SUDS3: variants seen among roughly 807,000 people sequenced by gnomAD.
SUDS3 encodes SIN3A corepressor complex component SDS3.
In SUDS3, 23 loss-of-function variants were observed where a neutral mutation model predicts 53.5. The ratio of observed to expected loss-of-function variants is 0.43; its 90% CI spans 0.31 to 0.61. SUDS3 has a LOEUF of 0.61. Ranked by LOEUF, SUDS3 falls within the 20% of genes least tolerant of loss-of-function variation. The pLI is 0.10. For missense variants in SUDS3, 291 were observed against 405.9 expected (o/e 0.72, Z 2.43); for synonymous variants, 150 against 148.5 (o/e 1.01, Z -0.08).
At chr12:118,398,467 T>C (rs900617197) in intron 6 of SUDS3, among the ~76,000 whole-genome samples, 8 of 151,748 alleles carry the variant, frequency 5.3e-5, no homozygotes, top group African/African-American at 1.9e-4. Context: ...ACCACTTGTT[T>C]CTGGTGTGTG....
chr12:118,397,906 A>G (rs1566204266), intron 6 of SUDS3, among the ~76,000 whole-genome samples: 1 of 151,768 alleles, frequency 6.6e-6, no homozygotes, highest in Non-Finnish European at 1.5e-5. Flanking sequence ...ACACTCAGCC[A>G]CTCTCTTTGG....
Position 118,409,835 on chromosome 12 carries a change from G to A in SUDS3, c.804-1238G>A, listed in dbSNP as rs1032376723. Among the ~76,000 whole-genome samples, 9 of 152,266 alleles carry A rather than the reference G, an allele frequency of 5.9e-5. 1 individual carries two copies. In the East Asian group the frequency reaches 1.7e-3, roughly 29 times the overall value. ...AATCCAGCAGGGGCTCCTTCATCCTGTGGCAGCTGCTTTTGTCCCATTTGG... is the reference window on the plus strand; with the variant it reads ...AATCCAGCAGGGGCTCCTTCATCCTATGGCAGCTGCTTTTGTCCCATTTGG... On this transcript the variant is annotated intron_variant, in intron 10 of 11. Transcript: ENST00000543473.
At chr12:118,407,749 C>T (rs370432754) in intron 10 of SUDS3, among the ~76,000 whole-genome samples, 11 of 147,910 alleles carry the variant, frequency 7.4e-5, no homozygotes, top group East Asian at 2.0e-4. Flanking sequence ...GACAGAGTCT[C>T]GCTCTGTCGC....
At chr12:118,386,901 G>A (rs1037400383) in intron 4 of SUDS3, among the ~76,000 whole-genome samples, 2 of 152,184 alleles carry the variant, frequency 1.3e-5, no homozygotes, top group Non-Finnish European at 2.9e-5. Flanking sequence ...ACAGGAAATC[G>A]CGTGTATGTG....
Position 118,376,655 on chromosome 12 carries a change from T to C in SUDS3, c.-37T>C, listed in dbSNP as rs2045998034. 2.1e-6 allele frequency: 3 copies of C among 1,423,522 alleles called. No individual in the cohort carries two copies. Among genetic ancestry groups the C allele is most frequent in the Non-Finnish European group, 2.7e-6 (3 of 1,096,578 alleles). The allele number at this position is 1,423,522 out of a possible 1,614,324, so 88.2% of individuals were successfully genotyped here. A position where few individuals can be genotyped will look rare whatever the true frequency, so the allele number is the denominator to read the frequency against. Reference sequence around the variant, plus strand: ...GAGTACCGAGCGCGGGTGGCCGCGGTGTCCGTGGGCCACGCTCAGCTGCGG... The same window carrying C: ...GAGTACCGAGCGCGGGTGGCCGCGGCGTCCGTGGGCCACGCTCAGCTGCGG... On this transcript the variant is annotated 5_prime_UTR_variant, in exon 1 of 12. Coordinates refer to ENST00000543473, the MANE Select transcript of SUDS3 (RefSeq NM_022491.3).
At chr12:118,391,939 C>A (rs2046171800) in intron 6 of SUDS3, among the ~76,000 whole-genome samples, 2 of 152,198 alleles carry the variant, frequency 1.3e-5, no homozygotes, top group Non-Finnish European at 2.9e-5. Context: ...CCTTTCTAAC[C>A]TTCTAGAATT....
At chr12:118,384,628 C>T (rs933708342) in intron 3 of SUDS3, among the ~76,000 whole-genome samples, 3 of 152,032 alleles carry the variant, frequency 2.0e-5, no homozygotes, top group Non-Finnish European at 4.4e-5. Flanking sequence ...GTCAGGAGAT[C>T]GAGACAATCT....
At chr12:118,414,259 A>AG (rs1204118350) in intron 11 of SUDS3, 76 bp from the exon 12 acceptor site, 1 of 1,070,360 alleles carries the variant, frequency 9.3e-7, no homozygotes, top group African/African-American at 1.6e-5. Flanking sequence ...TCACTCGTGC[A>AG]GATATTTTGA....
intron 11 of SUDS3, among the ~76,000 whole-genome samples, 187 bp downstream of exon 11, chr12:118,411,344 G>A (rs16948272): frequency 0.044 from 6,760 of 152,160 alleles, 507 homozygotes; most frequent in African/African-American, 0.15. Flanking sequence ...CCTTACATTC[G>A]CTTGACTACA....
intron 4 of SUDS3, among the ~76,000 whole-genome samples, chr12:118,389,538 G>A (rs1271717586): frequency 6.7e-6 from 1 of 150,094 alleles, no homozygotes; most frequent in African/African-American, 2.5e-5. Flanking sequence ...TTGAGACCAG[G>A]TTTCGCTCTG....
At chr12:118,409,178 C>G (rs532082066) in intron 10 of SUDS3, among the ~76,000 whole-genome samples, 1 of 149,738 alleles carries the variant, frequency 6.7e-6, no homozygotes, top group Non-Finnish European at 1.5e-5. Context: ...GATAGAGTCT[C>G]GCTCTGTTGC....
At chr12:118,395,573 A>C (rs1427730018) in intron 6 of SUDS3, among the ~76,000 whole-genome samples, 3 of 151,930 alleles carry the variant, frequency 2.0e-5, no homozygotes, top group Non-Finnish European at 2.9e-5. Flanking sequence ...GGAAGGCTCG[A>C]CTGGCTCACT....
Position 118,391,235 on chromosome 12 carries a change from A to C in SUDS3, c.470A>C (p.Lys157Thr). 6.2e-7 allele frequency: 1 copy of C among 1,613,294 alleles called. No homozygotes were observed. The highest frequency in any genetic ancestry group is 8.5e-7 in the Non-Finnish European group (1 of 1,179,752). Residue 157 changes from lysine (K) to threonine (T), a missense_variant, in exon 6 of 12, where the codon AAG becomes ACG. By Grantham distance (78) the Lys-to-Thr change is moderately conservative. Around this residue, in one of 4 missense-constraint regions of SUDS3, gnomAD observed 55 missense variants for 124.2 expected, o/e 0.44. Coordinates refer to ENST00000543473, the MANE Select transcript of SUDS3 (RefSeq NM_022491.3). ...AACCTGATTGCTGAGCTAGAAGAAA[A>C]GAAGAAAATGATTGAAAATGAAAAG... ...KENLIAELEE[K>T]KKMIENEKLT...
At position 118,410,109 on chromosome 12, in the gene SUDS3, A is replaced by G. The variant is rs1190972778; in HGVS notation, c.804-964A>G. On this transcript the variant is annotated intron_variant, in intron 10 of 11. Transcript: ENST00000543473. ...CAGGTGTGGTTATTTAATGTTCCTT[A>G]TCCCCAGTGTATTTGAATCTCTGTG... Among the ~76,000 whole-genome samples the G allele has an allele frequency of 5.3e-5, 8 of 152,338 alleles. No individual in the cohort carries two copies. The South Asian group carries it at 8.3e-4, about 16-fold the overall frequency.
chr12:118,417,955 A>G lies in SUDS3; in HGVS notation c.*3522A>G, dbSNP rs2046416135. On this transcript the variant is annotated 3_prime_UTR_variant, in exon 12 of 12. Transcript: ENST00000543473. ...TGTTTGTGCACTCTTCTTGTTGCAG[A>G]TAAAAGTCATTAAAAATCAAGTGAA... The G allele has an allele frequency of 6.6e-6, 1 of 152,228 alleles. No individual in the cohort carries two copies. The allele number at this position is 152,228 out of a possible 1,614,324, so 9.4% of individuals were successfully genotyped here. A position where few individuals can be genotyped will look rare whatever the true frequency, so the allele number is the denominator to read the frequency against.
chr12:118,402,156 T>G (rs544952376), intron 9 of SUDS3, 152 bp downstream of exon 9: 1 of 730,440 alleles, frequency 1.4e-6, no homozygotes, highest in South Asian at 1.8e-5. Context: ...AAGGGGACCT[T>G]AACTATACCC....
chr12:118,393,605 G>C (rs1566201976), intron 6 of SUDS3, among the ~76,000 whole-genome samples: 1 of 151,986 alleles, frequency 6.6e-6, no homozygotes, highest in Non-Finnish European at 1.5e-5. Flanking sequence ...ATAAAATGCA[G>C]ATTCTGTTTC....
At chr12:118,386,435 G>A (rs2046115329) in intron 4 of SUDS3, among the ~76,000 whole-genome samples, 1 of 152,172 alleles carries the variant, frequency 6.6e-6, no homozygotes, top group South Asian at 2.1e-4. Context: ...TGTTCTCCCT[G>A]GTACCCCAAG....
intron 2 of SUDS3, among the ~76,000 whole-genome samples, chr12:118,381,738 C>A (rs1234647979): frequency 2.7e-5 from 4 of 150,928 alleles, no homozygotes; most frequent in Admixed American, 6.6e-5. Flanking sequence ...CTGCTCTCAC[C>A]CAAACCTTCT....
Sources: allele counts gnomAD v4.1 joint callset (sites outside exome capture counted in the v4.1 genomes callset), GRCh38; gene constraint gnomAD v4.1.1; regional missense constraint gnomAD v4.1.1; transcripts MANE v1.5; gene names NCBI Gene and HGNC (gene_info 2026-07-23, HGNC 2026-07-21).